The following ITPRID1 variants were observed in gnomAD, a reference collection of about 807,000 sequenced individuals.
The protein encoded by ITPRID1 is ITPR interacting domain containing 1, also known as protein ITPRID1.
Under a neutral mutation model 95.4 loss-of-function variants are expected in ITPRID1, and 96 were observed. The ratio of observed to expected loss-of-function variants is 1.01; its 90% CI spans 0.85 to 1.19. The LOEUF (loss-of-function observed/expected upper bound fraction) is 1.19, where lower values mean the gene tolerates loss of function less well. Ranked by LOEUF, ITPRID1 falls within the 50% of genes most tolerant of loss-of-function variation. ITPRID1 has a pLI of 0.00. For missense variants in ITPRID1, 1,339 were observed against 1,252.9 expected (o/e 1.07, Z -1.04); for synonymous variants, 510 against 453.6 (o/e 1.12, Z -1.58).
At chr7:31,613,685 T>C (rs1786984618) in intron 10 of ITPRID1, among the ~76,000 whole-genome samples, 1 of 152,182 alleles carries the variant, frequency 6.6e-6, no homozygotes, top group African/African-American at 2.4e-5. Flanking sequence ...CAGCAGTTTG[T>C]TTTGTTTCTA....
At chr7:31,642,617 C>A in intron 11 of ITPRID1, 65 bp from the exon 12 acceptor site, 1 of 1,419,876 alleles carries the variant, frequency 7.0e-7, no homozygotes, top group African/African-American at 1.4e-5. Flanking sequence ...AAGAAAATCT[C>A]ACCTTAAACC....
chr7:31,650,517 G>A (rs1790853557), intron 12 of ITPRID1, among the ~76,000 whole-genome samples: 2 of 152,174 alleles, frequency 1.3e-5, no homozygotes, highest in African/African-American at 4.8e-5. Flanking sequence ...AGGATTAAAA[G>A]CGTAGACAAA....
chr7:31,544,336 A>G (rs1010111934), intron 1 of ITPRID1, among the ~76,000 whole-genome samples: 1 of 152,156 alleles, frequency 6.6e-6, no homozygotes, highest in African/African-American at 2.4e-5. Context: ...TCCTTAAAAG[A>G]AATAACCATC....
rs1784811795 is a variant in ITPRID1, at chr7:31,566,664, T to C, written c.257-3094T>C. Among the ~76,000 whole-genome samples, 4 of 152,336 alleles carry C rather than the reference T, an allele frequency of 2.6e-5. No homozygotes were observed. In the South Asian group the frequency reaches 8.3e-4, roughly 32 times the overall value. On this transcript the variant is annotated intron_variant, in intron 5 of 14. Coordinates refer to ENST00000615280, the MANE Select transcript of ITPRID1 (RefSeq NM_001257967.3). ...TTAGGCAACTTATTATTTAATTCAT[T>C]GTGGCATCAAGTTATTACAATATGA...
In ITPRID1 at chr7:31,620,205, G is replaced by C. The variant is rs1053367878; in HGVS notation, c.1229-21971G>C. On this transcript the variant is annotated intron_variant, in intron 10 of 14. Coordinates refer to ENST00000615280, the MANE Select transcript of ITPRID1 (RefSeq NM_001257967.3). ...GGCACAGACAAACAAAAAGACAGCA[G>C]TAACCTCTTCAGACTTAAATGTCCC... 1.2e-3 allele frequency among the ~76,000 whole-genome samples: 178 copies of C among 152,256 alleles called. 2 individuals are homozygous for C. Among genetic ancestry groups the C allele is most frequent in the African/African-American group, 3.4e-3 (143 of 41,570 alleles).
intron 8 of ITPRID1, among the ~76,000 whole-genome samples, chr7:31,576,894 A>G (rs1387263028): frequency 6.6e-6 from 1 of 151,972 alleles, no homozygotes; most frequent in African/African-American, 2.4e-5. Flanking sequence ...TGATTTTATT[A>G]TCTTGAGATA....
intron 1 of ITPRID1, among the ~76,000 whole-genome samples, chr7:31,525,621 G>A (rs1049669493): frequency 2.6e-5 from 4 of 152,124 alleles, no homozygotes; most frequent in Non-Finnish European, 5.9e-5. Context: ...AATTGACCTG[G>A]GAGGACTTAC....
rs576155679 is a variant in ITPRID1, at chr7:31,597,271, T to G, written c.1228+14080T>G. Among the ~76,000 whole-genome samples the G allele has an allele frequency of 2.6e-5, 4 of 152,058 alleles. No homozygotes were observed. The South Asian group carries it at 6.2e-4, about 24-fold the overall frequency. ...ACATTACTTTTATTCAACATTGAAC[T>G]AAAGATAAAAGCAGAAAAACAACTC... is the stretch of plus-strand genomic sequence containing the variant. On this transcript the variant is annotated intron_variant, in intron 10 of 14. Coordinates refer to ENST00000615280, the MANE Select transcript of ITPRID1 (RefSeq NM_001257967.3).
At chr7:31,575,503 G>T (rs1257442639) in intron 8 of ITPRID1, among the ~76,000 whole-genome samples, 8 of 152,146 alleles carry the variant, frequency 5.3e-5, no homozygotes, top group Middle Eastern at 3.2e-3. Flanking sequence ...AAACAGTTTG[G>T]GGGAAAGATG....
At chr7:31,543,773 A>G (rs1784007275) in intron 1 of ITPRID1, among the ~76,000 whole-genome samples, 1 of 152,006 alleles carries the variant, frequency 6.6e-6, no homozygotes, top group South Asian at 2.1e-4. Flanking sequence ...ATTTTCATGG[A>G]GATCATCGTA....
intron 10 of ITPRID1, among the ~76,000 whole-genome samples, chr7:31,593,244 C>T (rs1181658382): frequency 1.3e-5 from 2 of 152,072 alleles, no homozygotes; most frequent in Non-Finnish European, 2.9e-5. Flanking sequence ...AGTGGGGTTG[C>T]AGTGAGCCAA....
At chr7:31,578,674 G>A (rs533887079) in intron 9 of ITPRID1, among the ~76,000 whole-genome samples, 4 of 152,204 alleles carry the variant, frequency 2.6e-5, no homozygotes, top group Admixed American at 6.5e-5. Flanking sequence ...AGTTGAATCC[G>A]TGGGTCATTT....
chr7:31,620,796 A>G lies in ITPRID1; in HGVS notation c.1229-21380A>G, dbSNP rs114037369. 1.9e-3 allele frequency among the ~76,000 whole-genome samples: 286 copies of G among 152,340 alleles called. 1 individual carries two copies. The highest frequency in any genetic ancestry group is 6.7e-3 in the African/African-American group (280 of 41,572). ...AGGAGGCGAGAGAAGAAGACATCAG[A>G]CGATCAAACTACAAGCTACAGGAGG... On this transcript the variant is annotated intron_variant, in intron 10 of 14. Coordinates refer to ENST00000615280, the MANE Select transcript of ITPRID1 (RefSeq NM_001257967.3).
chr7:31,562,072 C>T (rs1457317739), intron 5 of ITPRID1, among the ~76,000 whole-genome samples: 1 of 111,258 alleles, frequency 9.0e-6, no homozygotes, highest in African/African-American at 3.3e-5. Flanking sequence ...AAAAAAAAAG[C>T]CTGGAGAGAG....
At chr7:31,633,161 AG>A (rs1461677851) in intron 10 of ITPRID1, among the ~76,000 whole-genome samples, 15 of 152,058 alleles carry the variant, frequency 9.9e-5, no homozygotes, top group South Asian at 4.2e-4. Flanking sequence ...CTGGGATTAC[AG>A]GCGTGAGCTA....
chr7:31,519,746 A>C (rs760715909), intron 1 of ITPRID1, among the ~76,000 whole-genome samples: 31 of 150,352 alleles, frequency 2.1e-4, no homozygotes, highest in Non-Finnish European at 3.0e-5. Context: ...GTAGGTTTAC[A>C]AAATATCTTT....
At chr7:31,627,659 CAAAAAAAAAAA>C (rs3078462) in intron 10 of ITPRID1, among the ~76,000 whole-genome samples, 3 of 75,518 alleles carry the variant, frequency 4.0e-5, no homozygotes, top group Non-Finnish European at 7.1e-5. Context: ...GACACTGTCT[CAAAAAAAAAAA>C]AAAAAAAAAA....
intron 9 of ITPRID1, among the ~76,000 whole-genome samples, chr7:31,578,949 C>T (rs946486349): frequency 3.3e-5 from 5 of 152,088 alleles, no homozygotes. Flanking sequence ...AAATGTTTCC[C>T]CCACAATGCC....
chr7:31,609,068 CAATT>C (rs1029837568), intron 10 of ITPRID1, among the ~76,000 whole-genome samples: 1 of 151,646 alleles, frequency 6.6e-6, no homozygotes, highest in Non-Finnish European at 1.5e-5. Context: ...TTTTTGGCAT[CAATT>C]GAGGCGGCCA....
Sources: gnomAD v4.1 joint callset for allele counts (sites outside exome capture counted in the v4.1 genomes callset) on GRCh38, gnomAD v4.1.1 for gene constraint, MANE v1.5 for transcripts, NCBI Gene and HGNC (gene_info 2026-07-23, HGNC 2026-07-21) for gene names.